YAP1: variants seen among roughly 807,000 people sequenced by gnomAD.
YAP1 encodes Yes1 associated transcriptional regulator.
Under a neutral mutation model 56.9 loss-of-function variants are expected in YAP1, and 5 were observed. The ratio of observed to expected loss-of-function variants is 0.09; its 90% CI spans 0.05 to 0.18. YAP1 has a LOEUF of 0.18. YAP1 is among the 10% of genes least tolerant of loss of function. The probability of loss-of-function intolerance (pLI) is 1.00; values close to 1 mark genes in which losing one functional copy is unlikely to be tolerated. For synonymous variants in YAP1, 265 were observed against 248.1 expected (o/e 1.07, Z -0.64); for missense variants, 539 against 651.8 (o/e 0.83, Z 1.88).
chr11:102,129,402 C>G (rs935224456), intron 2 of YAP1, among the ~76,000 whole-genome samples: 3 of 151,938 alleles, frequency 2.0e-5, no homozygotes, highest in Non-Finnish European at 4.4e-5. Context: ...GGGTGGATCA[C>G]GAGGTCAGGA....
At chr11:102,165,286 G>C (rs1409106307) in intron 3 of YAP1, among the ~76,000 whole-genome samples, 1 of 152,098 alleles carries the variant, frequency 6.6e-6, no homozygotes, top group Non-Finnish European at 1.5e-5. Flanking sequence ...CTTGAGCCTG[G>C]GAAATTGAGG....
intron 3 of YAP1, among the ~76,000 whole-genome samples, chr11:102,175,103 CTCTT>C (rs1216470207): frequency 2.0e-5 from 3 of 152,272 alleles, no homozygotes; most frequent in African/African-American, 7.2e-5. Context: ...CCACCAACCA[CTCTT>C]TGTTTGCCCA....
chr11:102,166,786 T>G (rs1304310266), intron 3 of YAP1, among the ~76,000 whole-genome samples: 1 of 152,206 alleles, frequency 6.6e-6, no homozygotes, highest in Non-Finnish European at 1.5e-5. Flanking sequence ...TTTGCTTTTT[T>G]TTGAAAAAGA....
chr11:102,183,201 A>T (rs1479767567), intron 3 of YAP1, among the ~76,000 whole-genome samples: 1 of 152,224 alleles, frequency 6.6e-6, no homozygotes, highest in African/African-American at 2.4e-5. Context: ...CTCTTGCAGG[A>T]TGACTAAGAG....
At chr11:102,224,022 AC>A (rs1174434999) in intron 7 of YAP1, among the ~76,000 whole-genome samples, 1 of 152,260 alleles carries the variant, frequency 6.6e-6, no homozygotes. Context: ...ACTAACAGTT[AC>A]TTAAAATTAC....
intron 6 of YAP1, 52 bp from the exon 7 acceptor site, chr11:102,223,570 A>G (rs1208996403): frequency 1.9e-6 from 3 of 1,588,660 alleles, no homozygotes; most frequent in Non-Finnish European, 2.6e-6. Context: ...TAAACCTAAC[A>G]TTAAATGTGT....
intron 2 of YAP1, among the ~76,000 whole-genome samples, chr11:102,123,531 CTAA>C (rs2135178403): frequency 6.6e-6 from 1 of 152,012 alleles, no homozygotes. Flanking sequence ...TCTCTTGTCT[CTAA>C]AACTATCTTT....
intron 2 of YAP1, among the ~76,000 whole-genome samples, chr11:102,152,471 A>G (rs1945712051): frequency 6.6e-6 from 1 of 152,182 alleles, no homozygotes; most frequent in Non-Finnish European, 1.5e-5. Context: ...TTGTCTAGGG[A>G]AAGCCAGGCT....
At chr11:102,143,515 T>G (rs934385960) in intron 2 of YAP1, among the ~76,000 whole-genome samples, 3 of 152,196 alleles carry the variant, frequency 2.0e-5, no homozygotes, top group African/African-American at 4.8e-5. Context: ...TTCACCAACA[T>G]TAGCCAGCAC....
intron 2 of YAP1, among the ~76,000 whole-genome samples, chr11:102,154,008 T>C (rs915140021): frequency 1.3e-5 from 2 of 152,150 alleles, no homozygotes; most frequent in Non-Finnish European, 2.9e-5. Context: ...TATAACCTTT[T>C]TATTAATTTC....
rs377753477 is a variant in YAP1, at chr11:102,129,359, G to A, written c.572+14965G>A. On this transcript the variant is annotated intron_variant, in intron 2 of 8. Coordinates refer to ENST00000282441, the MANE Select transcript of YAP1 (RefSeq NM_001130145.3). ...ATCTGGGCCAGGTGCAGTGGCTCTC[G>A]CCTGTAATCCCAGCACTTTGGGAGG... is the stretch of plus-strand genomic sequence containing the variant. Among the ~76,000 whole-genome samples, 26 of 152,088 alleles carry A rather than the reference G, an allele frequency of 1.7e-4. No individual in the cohort carries two copies. In the East Asian group the frequency reaches 2.5e-3, roughly 15 times the overall value.
rs140546191 is a variant in YAP1 at position 102,183,702 on chromosome 11, C to CTGTGTGTGTGTGTGTGTGTGTGTGTGTG, written c.689-2306_689-2279dup. 8.7e-4 allele frequency among the ~76,000 whole-genome samples: 124 copies of CTGTGTGTGTGTGTGTGTGTGTGTGTGTG among 141,796 alleles called. 1 individual carries two copies. Among genetic ancestry groups the CTGTGTGTGTGTGTGTGTGTGTGTGTGTG allele is most frequent in the African/African-American group, 2.9e-3 (109 of 37,700 alleles). The allele number at this position is 141,796 out of a possible 152,430, so 93.0% of individuals were successfully genotyped here. ...GCTAAGGTGGGGAATAATGCTGTTT[C>CTGTGTGTGTGTGTGTGTGTGTGTGTGTG]TGTGTGTGTGTGTGTGTGTGTGTGT... On this transcript the variant is annotated intron_variant, in intron 3 of 8. Transcript: ENST00000282441.
chr11:102,150,802 G>GGTTTTTT (rs1945595529), intron 2 of YAP1, among the ~76,000 whole-genome samples: 4 of 108,050 alleles, frequency 3.7e-5, no homozygotes, highest in Non-Finnish European at 7.4e-5. Flanking sequence ...CATACAAATG[G>GGTTTTTT]TTTTTTTTTT....
At chr11:102,126,186 C>A (rs1944025535) in intron 2 of YAP1, among the ~76,000 whole-genome samples, 1 of 152,054 alleles carries the variant, frequency 6.6e-6, no homozygotes, top group Non-Finnish European at 1.5e-5. Context: ...TTTGTGAATC[C>A]AGTTTATAAT....
chr11:102,210,406 C>T (rs184075730), intron 6 of YAP1, among the ~76,000 whole-genome samples: 344 of 152,250 alleles, frequency 2.3e-3, no homozygotes, highest in African/African-American at 7.7e-3. Context: ...TAGGAGTTGG[C>T]AAAATTCTAC....
intron 3 of YAP1, among the ~76,000 whole-genome samples, chr11:102,163,401 G>A (rs968848759): frequency 6.6e-6 from 1 of 152,056 alleles, no homozygotes; most frequent in Admixed American, 6.5e-5. Flanking sequence ...GTGGGTTCAA[G>A]GCCACAGTTA....
At chr11:102,171,046 T>TTAGTC (rs1946874102) in intron 3 of YAP1, among the ~76,000 whole-genome samples, 2 of 152,094 alleles carry the variant, frequency 1.3e-5, no homozygotes, top group Non-Finnish European at 2.9e-5. Flanking sequence ...ACTTATTACA[T>TTAGTC]ATTGGGGCAT....
chr11:102,130,197 T>G (rs1191712918), intron 2 of YAP1, among the ~76,000 whole-genome samples: 1 of 151,798 alleles, frequency 6.6e-6, no homozygotes, highest in Non-Finnish European at 1.5e-5. Flanking sequence ...TTTTTCTGAG[T>G]CAAAAATATT....
chr11:102,122,460 C>T (rs1201370886), intron 2 of YAP1, among the ~76,000 whole-genome samples: 1 of 151,912 alleles, frequency 6.6e-6, no homozygotes, highest in African/African-American at 2.4e-5. Flanking sequence ...CGGAAGGAAG[C>T]ACCAGATTCT....
Sources: allele counts gnomAD v4.1 joint callset (sites outside exome capture counted in the v4.1 genomes callset), GRCh38; gene constraint gnomAD v4.1.1; transcripts MANE v1.5; gene names NCBI Gene and HGNC (gene_info 2026-07-23, HGNC 2026-07-21).